The following MN1 variants were observed in gnomAD, a reference collection of about 807,000 sequenced individuals.
MN1 encodes transcriptional activator MN1.
In MN1, 19 loss-of-function variants were observed where a neutral mutation model predicts 86.9. The ratio of observed to expected loss-of-function variants is 0.22; its 90% CI spans 0.15 to 0.32. The LOEUF is 0.32. Ranked by LOEUF, MN1 falls within the 10% of genes least tolerant of loss-of-function variation. The probability of loss-of-function intolerance (pLI) is 1.00; values close to 1 mark genes in which losing one functional copy is unlikely to be tolerated. For synonymous variants in MN1, 928 were observed against 849.6 expected (o/e 1.09, Z -1.60); for missense variants, 1,841 against 1,862.0 (o/e 0.99, Z 0.21).
chr22:27,763,947 C>A (rs1019035711), intron 1 of MN1, among the ~76,000 whole-genome samples: 15 of 152,162 alleles, frequency 9.9e-5, no homozygotes, highest in Non-Finnish European at 1.8e-4. Context: ...GCAAGCTTTG[C>A]AGGAAGAGGA....
At chr22:27,756,127 GC>G (rs997280233) in intron 1 of MN1, among the ~76,000 whole-genome samples, 1 of 152,242 alleles carries the variant, frequency 6.6e-6, no homozygotes, top group Non-Finnish European at 1.5e-5. Flanking sequence ...GCAGGGCTGG[GC>G]CCGGGGAGGG....
chr22:27,798,897 C>A lies in MN1; in HGVS notation c.1647G>T (p.Gln549His). ...QQQQQQQQQQ[Q>H]QRQNAALMIK... is the part of the protein sequence containing the mutation. ...TCATGAGGGCCGCGTTTTGGCGCTGCTGCTGCTGCTGCTGTTGCTGTTGCT... is the reference window on the plus strand; with the variant it reads ...TCATGAGGGCCGCGTTTTGGCGCTGATGCTGCTGCTGCTGTTGCTGTTGCT... Residue 549 changes from glutamine (Q) to histidine (H), a missense_variant, in exon 1 of 2, where the codon CAG becomes CAT. Transcript: ENST00000302326. 1.3e-6 allele frequency: 2 copies of A among 1,553,194 alleles called. No individual in the cohort carries two copies. The highest frequency in any genetic ancestry group is 1.7e-4 in the Middle Eastern group (1 of 5,930).
Position 27,797,653 on chromosome 22 carries a change from G to T in MN1, c.2891C>A (p.Ala964Glu), listed in dbSNP as rs751093810. Residue 964 changes from alanine (A) to glutamate (E), a missense_variant, in exon 1 of 2, where the codon GCG becomes GAG. By Grantham distance (107) the Ala-to-Glu change is moderately radical. Transcript: ENST00000302326. ...AGGTGCGCCCCCGCTGTCCGGAGCC[G>T]CCGAGTACTTGTCAAAGAAGGTGCC... ...SPGTFFDKYS[A>E]APDSGGAPGV... 43 of 1,601,242 alleles carry T rather than the reference G, an allele frequency of 2.7e-5. 1 individual carries two copies. The highest frequency in any genetic ancestry group is 5.4e-5 in the African/African-American group (4 of 74,592).
In MN1 at chr22:27,799,341, G is replaced by C. The variant is rs1347844619; in HGVS notation, c.1203C>G (p.Pro401=). The stretch of plus-strand genomic sequence containing the variant: ...GATACTCGAATTGCGCGTGCTGGCT[G>C]GGCAGCATGGGGCCTCCGTCCTGCA... ...GGLQDGGPML[P]SQHAQFEYPI... is the part of the protein sequence containing the mutation. The change falls in exon 1 of 2, where the codon CCC becomes CCG. Residue 401 remains proline, a synonymous_variant. Coordinates refer to ENST00000302326, the MANE Select transcript of MN1 (RefSeq NM_002430.3). 31 of 1,587,546 alleles carry C rather than the reference G, an allele frequency of 2.0e-5. No homozygotes were observed. The highest frequency in any genetic ancestry group is 2.4e-5 in the Non-Finnish European group (28 of 1,168,946).
chr22:27,758,145 T>G (rs1223556028), intron 1 of MN1, among the ~76,000 whole-genome samples: 1 of 152,096 alleles, frequency 6.6e-6, no homozygotes, highest in Non-Finnish European at 1.5e-5. Context: ...GGCTCCCCAG[T>G]GCCTCGCAGC....
In MN1 at chr22:27,748,355, G is replaced by A. The variant is rs545033533; in HGVS notation, c.*2560C>T. 2.5e-3 allele frequency: 444 copies of A among 179,446 alleles called. 2 individuals are homozygous for A. Among genetic ancestry groups the A allele is most frequent in the Non-Finnish European group, 3.8e-3 (317 of 83,492 alleles). The allele number at this position is 179,446 out of a possible 1,614,324, so 11.1% of individuals were successfully genotyped here. On this transcript the variant is annotated 3_prime_UTR_variant, in exon 2 of 2. Coordinates refer to ENST00000302326, the MANE Select transcript of MN1 (RefSeq NM_002430.3). ...GGTATATACAATATGCAGGAATACA[G>A]AAGACTGCACTTTACATATTTTTTT... is the stretch of plus-strand genomic sequence containing the variant.
At chr22:27,765,691 C>T (rs1176581171) in intron 1 of MN1, among the ~76,000 whole-genome samples, 1 of 152,178 alleles carries the variant, frequency 6.6e-6, no homozygotes, top group Non-Finnish European at 1.5e-5. Flanking sequence ...GAGCACTGAC[C>T]CGGGTCTGGC....
chr22:27,784,271 C>A (rs1017653131), intron 1 of MN1, among the ~76,000 whole-genome samples: 2 of 152,204 alleles, frequency 1.3e-5, no homozygotes, highest in Non-Finnish European at 2.9e-5. Context: ...TGAGTGCACA[C>A]GGCTCAGATT....
At chr22:27,778,001 C>T (rs968710042) in intron 1 of MN1, among the ~76,000 whole-genome samples, 5 of 152,170 alleles carry the variant, frequency 3.3e-5, no homozygotes, top group Non-Finnish European at 7.3e-5. Context: ...ACCCACCAGG[C>T]ACAGCTTTTA....
intron 1 of MN1, among the ~76,000 whole-genome samples, chr22:27,769,171 A>C (rs954264435): frequency 6.6e-6 from 1 of 152,180 alleles, no homozygotes; most frequent in South Asian, 2.1e-4. Flanking sequence ...CCTTAAGTCC[A>C]TGGCAGACAT....
chr22:27,787,665 G>T (rs45443199), intron 1 of MN1, among the ~76,000 whole-genome samples: 4,163 of 152,250 alleles, frequency 0.027, 78 homozygotes, highest in African/African-American at 0.044. Flanking sequence ...GTCTTGCTAG[G>T]AGGGAAGCCT....
intron 1 of MN1, among the ~76,000 whole-genome samples, chr22:27,768,067 C>T (rs1932884095): frequency 6.6e-6 from 1 of 152,002 alleles, no homozygotes; most frequent in South Asian, 2.1e-4. Context: ...TACTTTTTCC[C>T]CACACCAGAA....
In MN1 at chr22:27,799,966, A is replaced by C; in HGVS notation, c.578T>G (p.Leu193Arg). The change falls in exon 1 of 2, where the codon CTG becomes CGG. Residue 193 changes from leucine (L) to arginine (R), a missense_variant. Transcript: ENST00000302326. The part of the protein sequence containing the change: ...SHAVPAPCLP[L>R]DQSPNRAASF... Reference sequence around the variant, plus strand: ...GGCGGCTCGGTTAGGGCTCTGGTCCAGCGGCAGGCATGGGGCCGGCACGGC... The same window carrying C: ...GGCGGCTCGGTTAGGGCTCTGGTCCCGCGGCAGGCATGGGGCCGGCACGGC... 1 of 1,603,248 alleles carries C rather than the reference A, an allele frequency of 6.2e-7. No homozygotes were observed. Among genetic ancestry groups the C allele is most frequent in the Non-Finnish European group, 8.5e-7 (1 of 1,175,764 alleles).
intron 1 of MN1, among the ~76,000 whole-genome samples, chr22:27,791,189 C>T (rs1390863278): frequency 6.6e-6 from 1 of 151,996 alleles, no homozygotes; most frequent in Admixed American, 6.6e-5. Context: ...AGATACAGAC[C>T]CAGAGCTTCC....
Position 27,797,167 on chromosome 22 carries a change from T to C in MN1, c.3377A>G (p.His1126Arg), listed in dbSNP as rs1332168219. The C allele has an allele frequency of 6.4e-7, 1 of 1,561,140 alleles. No individual in the cohort carries two copies. The highest frequency in any genetic ancestry group is 1.2e-5 in the South Asian group (1 of 86,286). The change falls in exon 1 of 2, where the codon CAT becomes CGT. Residue 1126 changes from histidine to arginine, a missense_variant. His to Arg is a conservative substitution (Grantham distance 29). Coordinates refer to ENST00000302326, the MANE Select transcript of MN1 (RefSeq NM_002430.3). ...CTGCTCCAGGCCCGGAGTGCCCGGA[T>C]GGCCCGGGCCCCCACCGCCGCCGTA... Reference protein sequence around the residue: ...DSYGGGGGPGHPGTPGLEQVR... With the variant: ...DSYGGGGGPGRPGTPGLEQVR...
intron 1 of MN1, among the ~76,000 whole-genome samples, chr22:27,762,428 C>A (rs1932841021): frequency 6.6e-6 from 1 of 152,098 alleles, no homozygotes; most frequent in Non-Finnish European, 1.5e-5. Flanking sequence ...GACTTCACCC[C>A]ATAAATAGTA....
chr22:27,792,527 A>C (rs1223304211), intron 1 of MN1, among the ~76,000 whole-genome samples: 3 of 151,888 alleles, frequency 2.0e-5, no homozygotes, highest in African/African-American at 7.3e-5. Flanking sequence ...GATGTGTGTT[A>C]GGTTGGGGTT....
At chr22:27,776,020 G>A (rs1932974101) in intron 1 of MN1, among the ~76,000 whole-genome samples, 1 of 152,206 alleles carries the variant, frequency 6.6e-6, no homozygotes, top group East Asian at 1.9e-4. Context: ...GGAAGCAGTG[G>A]GGGCTGCAAA....
rs758835992 is a variant in MN1 at position 27,797,110 on chromosome 22, G to A, written c.3434C>T (p.Pro1145Leu). ...CAGGGGGTGGATCTCGTCGGGTGGCGGGGCGCCGCTGCTGCTCGTCGGGGT... is the reference window on the plus strand; with the variant it reads ...CAGGGGGTGGATCTCGTCGGGTGGCAGGGCGCCGCTGCTGCTCGTCGGGGT... Reference protein sequence around the residue: ...VRTPTSSSGAPPPDEIHPLEI... With the variant: ...VRTPTSSSGALPPDEIHPLEI... Residue 1145 changes from proline (P) to leucine (L), a missense_variant, in exon 1 of 2, where the codon CCG (proline) becomes CTG (leucine). Physicochemically the swap from Pro to Leu is moderately conservative, Grantham distance 98 (BLOSUM62 -3). Transcript: ENST00000302326. 1.3e-6 allele frequency: 2 copies of A among 1,595,842 alleles called. No individual in the cohort carries two copies. Among genetic ancestry groups the A allele is most frequent in the Non-Finnish European group, 8.5e-7 (1 of 1,172,468 alleles).
Sources: gnomAD v4.1 joint callset for allele counts (sites outside exome capture counted in the v4.1 genomes callset) on GRCh38, gnomAD v4.1.1 for gene constraint, MANE v1.5 for transcripts, NCBI Gene and HGNC (gene_info 2026-07-23, HGNC 2026-07-21) for gene names.